HAUS1: variants seen among roughly 807,000 people sequenced by gnomAD.
HAUS1 encodes HAUS augmin like complex subunit 1.
In HAUS1, 25 loss-of-function variants were observed where a neutral mutation model predicts 38.6. That is an observed-to-expected ratio of 0.65 (90% CI 0.47 to 0.91). The LOEUF (loss-of-function observed/expected upper bound fraction) is 0.91. Ranked by LOEUF, HAUS1 falls within the 40% of genes least tolerant of loss-of-function variation. The pLI, the probability that HAUS1 is intolerant of heterozygous loss-of-function variation, is 0.00. For synonymous variants in HAUS1, 109 were observed against 112.9 expected (o/e 0.97, Z 0.22); for missense variants, 325 against 328.4 (o/e 0.99, Z 0.08).
chr18:46,110,353 T>TTTG (rs1568262622), intron 2 of HAUS1, among the ~76,000 whole-genome samples: 2 of 136,164 alleles, frequency 1.5e-5, no homozygotes, highest in Admixed American at 7.4e-5. Context: ...TTTTTTTTTT[T>TTTG]TTTTTTTTTA....
intron 2 of HAUS1, among the ~76,000 whole-genome samples, chr18:46,109,999 C>A (rs1911575984): frequency 6.6e-6 from 1 of 151,892 alleles, no homozygotes; most frequent in Non-Finnish European, 1.5e-5. Flanking sequence ...CCATAGTTAC[C>A]ATTACTTACA....
chr18:46,116,849 CA>C (rs553241129), intron 2 of HAUS1, among the ~76,000 whole-genome samples: 2 of 151,858 alleles, frequency 1.3e-5, no homozygotes, highest in East Asian at 1.9e-4. Context: ...ACCATCTCCA[CA>C]AAAAAATACA....
At chr18:46,122,978 A>G (rs1180993034) in intron 5 of HAUS1, among the ~76,000 whole-genome samples, 2 of 152,146 alleles carry the variant, frequency 1.3e-5, no homozygotes, top group Non-Finnish European at 2.9e-5. Context: ...TTGGGAGGCC[A>G]AGGTGGGCGG....
At chr18:46,107,769 G>A (rs1911515752) in intron 2 of HAUS1, among the ~76,000 whole-genome samples, 2 of 152,144 alleles carry the variant, frequency 1.3e-5, no homozygotes, top group South Asian at 4.1e-4. Context: ...TTTTATTTCT[G>A]CAAAGCACAG....
rs1170918341 is a variant in HAUS1, at chr18:46,105,546, ATGTATGTGTGTGTG to A, written c.205+182_205+195del. 208 of 479,402 alleles carry A rather than the reference ATGTATGTGTGTGTG, an allele frequency of 4.3e-4. 5 individuals carry two copies. Among genetic ancestry groups the A allele is most frequent in the African/African-American group, 3.4e-3 (154 of 45,494 alleles). 29.7% of individuals were successfully genotyped at this position (479,402 alleles called of 1,614,324 possible). On this transcript the variant is annotated intron_variant, in intron 2 of 8. Transcript: ENST00000282058. ...TTGTTTTATGTTTATATATATGTAT[ATGTATGTGTGTGTG>A]TGTGTGTGTGTGTGTGTGTGTGTGT...
chr18:46,105,821 T>A (rs1911458756), intron 2 of HAUS1, among the ~76,000 whole-genome samples: 1 of 152,118 alleles, frequency 6.6e-6, no homozygotes, highest in Non-Finnish European at 1.5e-5. Flanking sequence ...CTTCAGGTGA[T>A]CCGCCTGCCT....
intron 2 of HAUS1, among the ~76,000 whole-genome samples, chr18:46,117,159 A>G (rs1215526438): frequency 2.0e-5 from 3 of 152,258 alleles, no homozygotes; most frequent in Non-Finnish European, 2.9e-5. Flanking sequence ...TAGAGTTAAC[A>G]TATGACCAGC....
At chr18:46,120,188 T>A in intron 4 of HAUS1, 128 bp downstream of exon 4, 2 of 635,676 alleles carry the variant, frequency 3.1e-6, no homozygotes, top group Middle Eastern at 2.6e-4. Flanking sequence ...AACATTTTTT[T>A]AAGTTGAATG....
rs746937599 is a variant in HAUS1, at chr18:46,128,116, G to A, written c.828G>A (p.Met276Ile). The A allele has an allele frequency of 8.8e-6, 14 of 1,586,266 alleles. No individual in the cohort carries two copies. The Admixed American group carries it at 9.2e-5, about 10-fold the overall frequency. ...EAELTRRVDM[M>I]EL is the part of the protein sequence containing the mutation. ...AACTTACAAGAAGAGTAGACATGAT[G>A]GAACTGTGACAAAAGCCAAATAAAC... Residue 276 changes from methionine to isoleucine, a missense_variant, in exon 9 of 9, where the codon ATG becomes ATA. Coordinates refer to ENST00000282058, the MANE Select transcript of HAUS1 (RefSeq NM_138443.4).
Position 46,122,505 on chromosome 18 carries a change from G to A in HAUS1, c.515G>A (p.Arg172Lys), listed in dbSNP as rs1256876733. ...KKAELHLSTERAKVDNRRQNM... is the reference protein window; with the variant it reads ...KKAELHLSTEKAKVDNRRQNM... ...GCAGAGTTGCATCTGTCTACAGAAA[G>A]GGCCAAAGTTGATAATCGTCGTCAG... is the stretch of plus-strand genomic sequence containing the variant. The change falls in exon 5 of 9, where the codon AGG (arginine) becomes AAG (lysine). Residue 172 changes from arginine (R) to lysine (K), a missense_variant. Coordinates refer to ENST00000282058, the MANE Select transcript of HAUS1 (RefSeq NM_138443.4). 6.2e-7 allele frequency: 1 copy of A among 1,614,000 alleles called. No homozygotes were observed. The highest frequency in any genetic ancestry group is 8.5e-7 in the Non-Finnish European group (1 of 1,179,950).
At position 46,105,307 on chromosome 18, in the gene HAUS1, C is replaced by T; in HGVS notation, c.144C>T (p.Asp48=). 3 of 1,613,312 alleles carry T rather than the reference C, an allele frequency of 1.9e-6. No individual in the cohort carries two copies. Among genetic ancestry groups the T allele is most frequent in the Non-Finnish European group, 1.7e-6 (2 of 1,179,576 alleles). ...HHLSERNRVR[D]RDVYLVIEDL... is the part of the protein sequence containing the mutation. ...TTTCAGAACGCAACAGGGTCCGGGA[C>T]AGGGATGTCTACCTGGTAATAGAGG... The change falls in exon 2 of 9, where the codon GAC becomes GAT. Residue 48 remains aspartate, a synonymous_variant. Coordinates refer to ENST00000282058, the MANE Select transcript of HAUS1 (RefSeq NM_138443.4).
intron 2 of HAUS1, among the ~76,000 whole-genome samples, chr18:46,105,906 G>T (rs1282347631): frequency 6.6e-6 from 1 of 152,114 alleles, no homozygotes; most frequent in Non-Finnish European, 1.5e-5. Flanking sequence ...AGTAATAAAT[G>T]TTATTATACT....
At chr18:46,125,920 C>T (rs750579860) in intron 8 of HAUS1, 129 bp downstream of exon 8, 6 of 636,162 alleles carry the variant, frequency 9.4e-6, no homozygotes, top group Non-Finnish European at 1.7e-5. Flanking sequence ...TACTGTGTAT[C>T]ATTCTCCTGC....
At chr18:46,126,492 A>G (rs1277984086) in intron 8 of HAUS1, among the ~76,000 whole-genome samples, 1 of 152,152 alleles carries the variant, frequency 6.6e-6, no homozygotes, top group African/African-American at 2.4e-5. Flanking sequence ...AAGTTGGAAA[A>G]GGTCAATTGG....
At chr18:46,121,325 G>A (rs1050218855) in intron 4 of HAUS1, among the ~76,000 whole-genome samples, 2 of 151,898 alleles carry the variant, frequency 1.3e-5, no homozygotes, top group Non-Finnish European at 2.9e-5. Flanking sequence ...AAGTAGCTGG[G>A]ATTACAGGCA....
At chr18:46,106,822 C>G (rs1911494321) in intron 2 of HAUS1, 1 of 152,116 alleles carries the variant, frequency 6.6e-6, no homozygotes, top group African/African-American at 2.4e-5. Context: ...TGAGACAAGC[C>G]TGGCCAAGAT....
intron 8 of HAUS1, 91 bp downstream of exon 8, chr18:46,125,882 C>T: frequency 2.5e-6 from 2 of 805,744 alleles, no homozygotes; most frequent in South Asian, 1.6e-5. Context: ...TTTCCTTTCT[C>T]CTCAGTGGTA....
At chr18:46,120,239 C>CTT (rs760308150) in intron 4 of HAUS1, among the ~76,000 whole-genome samples, 179 bp downstream of exon 4, 2 of 144,086 alleles carry the variant, frequency 1.4e-5, no homozygotes, top group Admixed American at 7.0e-5. Context: ...ACTTTTCCAG[C>CTT]TTTTTTTTTT....
At chr18:46,125,254 C>T (rs568301503) in intron 7 of HAUS1, among the ~76,000 whole-genome samples, 1 of 145,798 alleles carries the variant, frequency 6.9e-6, no homozygotes, top group East Asian at 2.1e-4. Flanking sequence ...AGCAAGACTC[C>T]ATCTCAAAAA....
Sources: gnomAD v4.1 joint callset for allele counts (sites outside exome capture counted in the v4.1 genomes callset) on GRCh38, gnomAD v4.1.1 for gene constraint, MANE v1.5 for transcripts, NCBI Gene and HGNC (gene_info 2026-07-23, HGNC 2026-07-21) for gene names.